Variants in SDK2 observed in about 807,000 individuals in gnomAD.
SDK2 encodes the protein sidekick cell adhesion molecule 2, also known as protein sidekick-2.
A neutral mutation model predicts 253.9 loss-of-function variants in SDK2; 105 were observed. The observed-to-expected ratio is 0.41, with a 90% CI of 0.35 to 0.49. The LOEUF (loss-of-function observed/expected upper bound fraction) is 0.49, where lower values mean the gene tolerates loss of function less well. Ranked by LOEUF, SDK2 falls within the 20% of genes least tolerant of loss-of-function variation. The pLI is 0.06. For missense variants in SDK2, 2,608 were observed against 3,003.0 expected (o/e 0.87, Z 3.07); for synonymous variants, 1,249 against 1,234.9 (o/e 1.01, Z -0.24).
chr17:73,450,624 A>G (rs748698461), intron 4 of SDK2, among the ~76,000 whole-genome samples: 1 of 152,018 alleles, frequency 6.6e-6, no homozygotes, highest in African/African-American at 2.4e-5. Flanking sequence ...CCCACCTCCA[A>G]TTTCATCTCT....
At chr17:73,454,848 C>A (rs550860638) in intron 4 of SDK2, among the ~76,000 whole-genome samples, 2 of 152,174 alleles carry the variant, frequency 1.3e-5, no homozygotes, top group Admixed American at 6.5e-5. Flanking sequence ...GGATTACAGG[C>A]ACCTGCCACC....
Position 73,419,730 on chromosome 17 carries a change from C to CAAAA in SDK2, c.2046-428_2046-425dup, listed in dbSNP as rs1335442338. Among the ~76,000 whole-genome samples the CAAAA allele has an allele frequency of 1.4e-3, 36 of 25,920 alleles. 5 individuals are homozygous for CAAAA. Among genetic ancestry groups the CAAAA allele is most frequent in the South Asian group, 2.3e-3 (3 of 1,282 alleles). The allele number at this position is 25,920 out of a possible 152,430, so 17.0% of individuals were successfully genotyped here. A position where few individuals can be genotyped will look rare whatever the true frequency, so the allele number is the denominator to read the frequency against. On this transcript the variant is annotated intron_variant, in intron 15 of 44. Coordinates refer to ENST00000392650, the MANE Select transcript of SDK2 (RefSeq NM_001144952.2). ...ACCAAAAAAAACAACAAAAAAAACC[C>CAAAA]AAAAAAACTCCCTCCTGGTGACTTG...
chr17:73,602,007 G>C (rs1381733342), intron 1 of SDK2, among the ~76,000 whole-genome samples: 1 of 152,234 alleles, frequency 6.6e-6, no homozygotes, highest in Non-Finnish European at 1.5e-5. Context: ...GCCTCCCAAA[G>C]TGCTGGGATT....
rs34448667 is a variant in SDK2, at chr17:73,469,992, GCACACACACACA to G, written c.331+2108_331+2119del. On this transcript the variant is annotated intron_variant, in intron 3 of 44. Transcript: ENST00000392650. ...ATGGCATTTGCGACTGCGCGCGCGCGCACACACACACACACACACACACACACACACACACAC... is the reference window on the plus strand; with the variant it reads ...ATGGCATTTGCGACTGCGCGCGCGCGCACACACACACACACACACACACAC... Among the ~76,000 whole-genome samples the G allele has an allele frequency of 9.4e-3, 1,182 of 126,264 alleles. 10 individuals are homozygous for G. The highest frequency in any genetic ancestry group is 0.025 in the African/African-American group (794 of 32,322). The allele number at this position is 126,264 out of a possible 152,430, so 82.8% of individuals were successfully genotyped here.
chr17:73,444,952 TTGATTTAATG>T lies in SDK2; in HGVS notation c.613+2653_613+2662del, dbSNP rs2063442643. On this transcript the variant is annotated intron_variant, in intron 5 of 44. Coordinates refer to ENST00000392650, the MANE Select transcript of SDK2 (RefSeq NM_001144952.2). Reference sequence around the variant, plus strand: ...CTCCTGCAATGTGGCTGGTGTCCCTTTGATTTAATGTGATTTAATTTTAACTAATTTACAT... The same window carrying T: ...CTCCTGCAATGTGGCTGGTGTCCCTTTGATTTAATTTTAACTAATTTACAT... Among the ~76,000 whole-genome samples, 4 of 152,220 alleles carry T rather than the reference TTGATTTAATG, an allele frequency of 2.6e-5. No individual in the cohort carries two copies. In the South Asian group the frequency reaches 8.3e-4, roughly 32 times the overall value.
intron 1 of SDK2, among the ~76,000 whole-genome samples, chr17:73,545,610 G>A (rs1022998152): frequency 4.6e-5 from 7 of 152,126 alleles, no homozygotes; most frequent in Admixed American, 6.5e-5. Flanking sequence ...CTCAGAAGGC[G>A]GATCACAAAC....
At chr17:73,614,864 A>G (rs145206261) in intron 1 of SDK2, among the ~76,000 whole-genome samples, 2 of 151,994 alleles carry the variant, frequency 1.3e-5, no homozygotes, top group Non-Finnish European at 2.9e-5. Context: ...TTGAAAAACT[A>G]CCTATCAGGT....
chr17:73,355,180 T>A (rs1350662596), intron 40 of SDK2, among the ~76,000 whole-genome samples: 257 of 11,618 alleles, frequency 0.022, 7 homozygotes, highest in African/African-American at 0.055. Flanking sequence ...ATATATTTTT[T>A]TTTTTTTTTT....
rs1388117576 is a variant in SDK2 at position 73,507,473 on chromosome 17, G to A, written c.189C>T (p.Asn63=). 3.2e-6 allele frequency: 5 copies of A among 1,551,658 alleles called. No homozygotes were observed. The highest frequency in any genetic ancestry group is 1.4e-5 in the African/African-American group (1 of 73,182). ...GGGAGAACTTGGTCAGCTCCCTGTT[G>A]TTGTGGAGCCACTTGAACTCCAGTG... ...SWPLEFKWLH[N]NRELTKFSLE... is the part of the protein sequence containing the mutation. Residue 63 remains asparagine (N), a synonymous_variant, in exon 2 of 45, where the codon AAC becomes AAT. Coordinates refer to ENST00000392650, the MANE Select transcript of SDK2 (RefSeq NM_001144952.2).
At chr17:73,341,045 GT>G (rs10541030) in intron 44 of SDK2, among the ~76,000 whole-genome samples, 83,283 of 131,358 alleles carry the variant, frequency 0.63, 29,269 homozygotes, top group East Asian at 0.79. Flanking sequence ...CGGCTGGTCT[GT>G]TTTTTTTTTT....
intron 36 of SDK2, among the ~76,000 whole-genome samples, chr17:73,370,521 G>A (rs979557133): frequency 2.0e-5 from 3 of 151,782 alleles, no homozygotes; most frequent in African/African-American, 7.3e-5. Flanking sequence ...GAGATTACAG[G>A]TGTGAGCCAC....
intron 30 of SDK2, among the ~76,000 whole-genome samples, chr17:73,386,791 G>A (rs2145486358): frequency 6.6e-6 from 1 of 152,344 alleles, no homozygotes; most frequent in South Asian, 2.1e-4. Flanking sequence ...AGCTTGGGGT[G>A]CCTTTAGCCC....
In SDK2 at chr17:73,534,297, G is replaced by C. The variant is rs1414123412; in HGVS notation, c.65-26700C>G. On this transcript the variant is annotated intron_variant, in intron 1 of 44. Coordinates refer to ENST00000392650, the MANE Select transcript of SDK2 (RefSeq NM_001144952.2). This position sits in a 1 kb window ranked among gnomAD's most constrained non-coding sequence, Gnocchi z 4.9. ...AGCGGGTCCGCTGCTGGGGGAAGGG[G>C]AGTGGCATTAAATAGCTGGCGGCAG... Among the ~76,000 whole-genome samples, 1 of 152,228 alleles carries C rather than the reference G, an allele frequency of 6.6e-6. No homozygotes were observed. Among genetic ancestry groups the C allele is most frequent in the Non-Finnish European group, 1.5e-5 (1 of 68,040 alleles).
intron 2 of SDK2, among the ~76,000 whole-genome samples, chr17:73,483,669 ATATATATATATATT>A (rs1476274930): frequency 0.018 from 1,121 of 63,924 alleles, 96 homozygotes; most frequent in African/African-American, 0.056. Flanking sequence ...GTGTATATAT[ATATATATATATATT>A]TATATATATA....
chr17:73,370,629 G>C (rs879328443), intron 36 of SDK2, among the ~76,000 whole-genome samples: 5 of 151,906 alleles, frequency 3.3e-5, no homozygotes, highest in Non-Finnish European at 7.4e-5. Flanking sequence ...CATGATCTTG[G>C]CTCACTGTAA....
At chr17:73,502,457 G>A (rs1212530201) in intron 2 of SDK2, among the ~76,000 whole-genome samples, 1 of 152,146 alleles carries the variant, frequency 6.6e-6, no homozygotes, top group Non-Finnish European at 1.5e-5. Context: ...CCAAAACAAG[G>A]AAATGTTCAG....
At chr17:73,339,228 T>C (rs557602857) in intron 44 of SDK2, among the ~76,000 whole-genome samples, 2 of 141,478 alleles carry the variant, frequency 1.4e-5, no homozygotes, top group East Asian at 2.0e-4. Flanking sequence ...TTTTTGTTTT[T>C]GTTTTTGTTT....
Position 73,609,821 on chromosome 17 carries a change from C to T in SDK2, c.64+34204G>A, listed in dbSNP as rs191173318. On this transcript the variant is annotated intron_variant, in intron 1 of 44. Coordinates refer to ENST00000392650, the MANE Select transcript of SDK2 (RefSeq NM_001144952.2). This position sits in a 1 kb window ranked among gnomAD's most constrained non-coding sequence, Gnocchi z 4.4. ...TTGCATGAGAACCTCCAGAAAACCT[C>T]GAGAGCCCCCAGGGCCCAAGGAGAC... 3.0e-4 allele frequency among the ~76,000 whole-genome samples: 46 copies of T among 152,296 alleles called. No homozygotes were observed. The highest frequency in any genetic ancestry group is 3.4e-3 in the Middle Eastern group (1 of 294).
Position 73,624,244 on chromosome 17 carries a change from A to G in SDK2, c.64+19781T>C, listed in dbSNP as rs1434507120. Among the ~76,000 whole-genome samples the G allele has an allele frequency of 2.6e-5, 4 of 152,260 alleles. No homozygotes were observed. The South Asian group carries it at 8.3e-4, about 31-fold the overall frequency. On this transcript the variant is annotated intron_variant, in intron 1 of 44. Coordinates refer to ENST00000392650, the MANE Select transcript of SDK2 (RefSeq NM_001144952.2). ...CGTGGTAGCTCACGCCTGTAACCCT[A>G]GCACTTTGGGAGGCCAAGGCAGGCA... is the stretch of plus-strand genomic sequence containing the variant.
Sources: gnomAD v4.1 joint callset for allele counts (sites outside exome capture counted in the v4.1 genomes callset) on GRCh38, gnomAD v4.1.1 for gene constraint, Gnocchi (gnomAD v3.1) non-coding constraint, MANE v1.5 for transcripts, NCBI Gene and HGNC (gene_info 2026-07-23, HGNC 2026-07-21) for gene names.